The following ITGA8 variants were observed in gnomAD, a reference collection of about 807,000 sequenced individuals.
The protein encoded by ITGA8 is integrin alpha-8.
Under a neutral mutation model 142.3 loss-of-function variants are expected in ITGA8, and 91 were observed. That is an observed-to-expected ratio of 0.64 (90% confidence interval 0.54 to 0.76). The LOEUF is 0.76. ITGA8 is among the 30% of genes least tolerant of loss of function. ITGA8 has a pLI of 0.00. For synonymous variants in ITGA8, 505 were observed against 485.2 expected (o/e 1.04, Z -0.54); for missense variants, 1,406 against 1,327.7 (o/e 1.06, Z -0.92).
intron 2 of ITGA8, among the ~76,000 whole-genome samples, chr10:15,693,974 AT>A (rs886197641): frequency 6.6e-6 from 1 of 151,542 alleles, no homozygotes; most frequent in African/African-American, 2.4e-5. Context: ...AGCTTAAGGT[AT>A]CCCCCCTTAA....
chr10:15,691,455 C>T (rs990287414), intron 2 of ITGA8, among the ~76,000 whole-genome samples: 5 of 152,072 alleles, frequency 3.3e-5, no homozygotes, highest in Non-Finnish European at 7.3e-5. Context: ...TGTCCTTCAA[C>T]GGATGAATAA....
chr10:15,634,235 G>A (rs1294044845), intron 13 of ITGA8, among the ~76,000 whole-genome samples: 1 of 151,812 alleles, frequency 6.6e-6, no homozygotes, highest in Non-Finnish European at 1.5e-5. Flanking sequence ...GTTCATTGTT[G>A]GATGTTTTAT....
chr10:15,688,098 A>G (rs1415910772), intron 2 of ITGA8, 60 bp from the exon 3 acceptor site: 2 of 1,098,424 alleles, frequency 1.8e-6, no homozygotes, highest in Non-Finnish European at 2.8e-6. Context: ...ATTAAAACAC[A>G]TAATAAATTT....
At position 15,647,000 on chromosome 10, in the gene ITGA8, C is replaced by G; in HGVS notation, c.1053G>C (p.Glu351Asp). The G allele has an allele frequency of 3.7e-6, 6 of 1,613,974 alleles. No homozygotes were observed. The highest frequency in any genetic ancestry group is 1.3e-5 in the African/African-American group (1 of 74,996). ...GAPLFMEREFESNPREVGQIY... is the reference protein window; with the variant it reads ...GAPLFMEREFDSNPREVGQIY... ...TTTGCCCTACTTCTCTGGGGTTGCT[C>G]TCAAATTCACGTTCCATAAAGAGAG... Residue 351 changes from glutamate to aspartate, a missense_variant, in exon 12 of 30, where the codon GAG becomes GAC. By Grantham distance (45) the Glu-to-Asp change is conservative. Coordinates refer to ENST00000378076, the MANE Select transcript of ITGA8 (RefSeq NM_003638.3).
At chr10:15,569,810 A>T (rs980028528) in intron 25 of ITGA8, among the ~76,000 whole-genome samples, 1 of 152,226 alleles carries the variant, frequency 6.6e-6, no homozygotes, top group Non-Finnish European at 1.5e-5. Context: ...TCTGTTGAAG[A>T]CAACAACAGG....
chr10:15,670,262 C>T (rs1462615115), intron 8 of ITGA8, among the ~76,000 whole-genome samples: 7 of 152,138 alleles, frequency 4.6e-5, no homozygotes, highest in South Asian at 2.1e-4. Flanking sequence ...AAATATTACC[C>T]GTTGAGTGAA....
chr10:15,525,134 G>A (rs1208763609), intron 28 of ITGA8, among the ~76,000 whole-genome samples: 3 of 152,048 alleles, frequency 2.0e-5, no homozygotes, highest in African/African-American at 7.2e-5. Context: ...TCAGCCTCTT[G>A]AGTAGCTGGG....
intron 22 of ITGA8, among the ~76,000 whole-genome samples, chr10:15,587,808 T>C (rs1345430173): frequency 6.6e-6 from 1 of 152,156 alleles, no homozygotes; most frequent in Admixed American, 6.5e-5. Context: ...CTCCAGCAAA[T>C]ATAATTAGAT....
chr10:15,687,243 C>T (rs1272075647), intron 3 of ITGA8, among the ~76,000 whole-genome samples: 2 of 151,902 alleles, frequency 1.3e-5, no homozygotes. Context: ...TCAACAAATC[C>T]TAAAAGCCAA....
chr10:15,657,606 GC>G (rs1285468612), intron 10 of ITGA8, among the ~76,000 whole-genome samples: 1 of 143,896 alleles, frequency 6.9e-6, no homozygotes, highest in Non-Finnish European at 1.5e-5. Flanking sequence ...TCCTGCCTTG[GC>G]CTTCCAAACT....
chr10:15,582,407 AC>A (rs2131588818), intron 23 of ITGA8, among the ~76,000 whole-genome samples: 1 of 152,396 alleles, frequency 6.6e-6, no homozygotes, highest in Admixed American at 6.5e-5. Flanking sequence ...AAATTAGGAC[AC>A]AAAGAACACA....
At chr10:15,626,713 G>A (rs1230776965) in intron 13 of ITGA8, among the ~76,000 whole-genome samples, 3 of 152,090 alleles carry the variant, frequency 2.0e-5, no homozygotes, top group Non-Finnish European at 4.4e-5. Flanking sequence ...AATCCAATAG[G>A]ACCAGTGTCC....
At chr10:15,527,006 A>G (rs367757273) in intron 28 of ITGA8, among the ~76,000 whole-genome samples, 2 of 152,316 alleles carry the variant, frequency 1.3e-5, no homozygotes, top group East Asian at 1.9e-4. Flanking sequence ...TGTATTTGCA[A>G]TGGTAATTAA....
chr10:15,674,364 T>C (rs1834586800), intron 6 of ITGA8, among the ~76,000 whole-genome samples: 1 of 152,248 alleles, frequency 6.6e-6, no homozygotes, highest in South Asian at 2.1e-4. Context: ...CTCAAACATA[T>C]GTTTCTATAT....
intron 23 of ITGA8, among the ~76,000 whole-genome samples, chr10:15,576,193 C>T (rs575260720): frequency 6.6e-6 from 1 of 151,966 alleles, no homozygotes; most frequent in African/African-American, 2.4e-5. Flanking sequence ...GCCCCAGAGC[C>T]AGAACAAAAT....
chr10:15,591,041 G>A (rs1178246835), intron 22 of ITGA8, among the ~76,000 whole-genome samples: 2 of 152,090 alleles, frequency 1.3e-5, no homozygotes, highest in African/African-American at 4.8e-5. Context: ...AAAATCCTAA[G>A]CCTTTTATTG....
chr10:15,656,749 T>C (rs562414721), intron 10 of ITGA8, among the ~76,000 whole-genome samples: 1 of 152,318 alleles, frequency 6.6e-6, no homozygotes, highest in East Asian at 1.9e-4. Flanking sequence ...CTCACCAGAT[T>C]TGACCCATAG....
chr10:15,613,170 A>ATAAAAAATAAAT (rs1554777865), intron 15 of ITGA8, among the ~76,000 whole-genome samples: 160 of 36,184 alleles, frequency 4.4e-3, no homozygotes, highest in South Asian at 9.0e-3. Context: ...CAATAAATAA[A>ATAAAAAATAAAT]AAATAAATAA....
At chr10:15,635,846 T>C (rs1307394767) in intron 13 of ITGA8, among the ~76,000 whole-genome samples, 1 of 151,832 alleles carries the variant, frequency 6.6e-6, no homozygotes, top group African/African-American at 2.4e-5. Flanking sequence ...TAAAGTTTAA[T>C]TGAAATGCAG....
Sources: allele counts gnomAD v4.1 joint callset (sites outside exome capture counted in the v4.1 genomes callset), GRCh38; gene constraint gnomAD v4.1.1; transcripts MANE v1.5; gene names NCBI Gene and HGNC (gene_info 2026-07-23, HGNC 2026-07-21).